The following PAK5 variants were observed in gnomAD, a reference collection of about 807,000 sequenced individuals.
PAK5 encodes the protein p21 (RAC1) activated kinase 5.
In PAK5, 16 loss-of-function variants were observed where a neutral mutation model predicts 65.9. The ratio of observed to expected loss-of-function variants is 0.24; its 90% CI spans 0.16 to 0.37. PAK5 has a LOEUF of 0.37. Ranked by LOEUF, PAK5 falls within the 10% of genes least tolerant of loss-of-function variation. The probability of loss-of-function intolerance (pLI) is 1.00; values close to 1 mark genes in which losing one functional copy is unlikely to be tolerated. For missense variants in PAK5, 785 were observed against 903.9 expected (o/e 0.87, Z 1.69); for synonymous variants, 371 against 354.9 (o/e 1.05, Z -0.51).
At chr20:9,625,666 A>C (rs2046834603) in intron 3 of PAK5, among the ~76,000 whole-genome samples, 1 of 151,706 alleles carries the variant, frequency 6.6e-6, no homozygotes, top group Non-Finnish European at 1.5e-5. Flanking sequence ...GCAGCCTTGA[A>C]CTCCTGAGCT....
At chr20:9,658,984 A>G (rs2047307514) in intron 2 of PAK5, among the ~76,000 whole-genome samples, 1 of 152,082 alleles carries the variant, frequency 6.6e-6, no homozygotes, top group Non-Finnish European at 1.5e-5. Context: ...AATTGCAAGG[A>G]GCTACATGTC....
At chr20:9,771,881 T>A (rs551907730) in intron 1 of PAK5, among the ~76,000 whole-genome samples, 52 of 151,856 alleles carry the variant, frequency 3.4e-4, no homozygotes, top group Non-Finnish European at 6.9e-4. Flanking sequence ...CCACAAAAAA[T>A]ACAAAAATTA....
intron 1 of PAK5, among the ~76,000 whole-genome samples, chr20:9,787,973 C>G (rs1409420634): frequency 1.2e-5 from 1 of 84,508 alleles, no homozygotes; most frequent in East Asian, 3.4e-4. Flanking sequence ...GCCCATGTGT[C>G]TGTGTGTGTT....
chr20:9,545,100 A>G (rs192389765), intron 7 of PAK5, among the ~76,000 whole-genome samples: 3 of 152,306 alleles, frequency 2.0e-5, no homozygotes, highest in Admixed American at 2.0e-4. Flanking sequence ...ACCAACATGA[A>G]CATCAATGCA....
At chr20:9,700,869 G>T (rs564318125) in intron 2 of PAK5, among the ~76,000 whole-genome samples, 1 of 152,232 alleles carries the variant, frequency 6.6e-6, no homozygotes, top group Admixed American at 6.5e-5. Context: ...AGAAAATCAG[G>T]TCACTTGTTG....
At chr20:9,809,171 T>A (rs2049267877) in intron 1 of PAK5, among the ~76,000 whole-genome samples, 1 of 152,064 alleles carries the variant, frequency 6.6e-6, no homozygotes, top group Non-Finnish European at 1.5e-5. Context: ...TTCTGAGCCT[T>A]TAGCATACAC....
At chr20:9,736,847 C>A (rs191783988) in intron 1 of PAK5, among the ~76,000 whole-genome samples, 165 of 152,194 alleles carry the variant, frequency 1.1e-3, no homozygotes, top group African/African-American at 3.4e-3. Context: ...GAAAATGACA[C>A]TATAACACAT....
chr20:9,776,431 G>A (rs2048887715), intron 1 of PAK5, among the ~76,000 whole-genome samples: 1 of 152,120 alleles, frequency 6.6e-6, no homozygotes, highest in Non-Finnish European at 1.5e-5. Context: ...TGGGGAGTAT[G>A]GTGGCTTTAA....
intron 3 of PAK5, among the ~76,000 whole-genome samples, chr20:9,596,456 G>A (rs988336979): frequency 3.9e-5 from 6 of 151,922 alleles, no homozygotes; most frequent in African/African-American, 1.5e-4. Context: ...CTAACACAGT[G>A]AAACCCCGTC....
chr20:9,639,604 T>C (rs2047025347), intron 3 of PAK5, among the ~76,000 whole-genome samples: 1 of 152,258 alleles, frequency 6.6e-6, no homozygotes, highest in African/African-American at 2.4e-5. Flanking sequence ...ATACTTGAGA[T>C]GTATCTTCCA....
chr20:9,755,171 A>G (rs757167732), intron 1 of PAK5, among the ~76,000 whole-genome samples: 1 of 152,232 alleles, frequency 6.6e-6, no homozygotes, highest in Non-Finnish European at 1.5e-5. Flanking sequence ...ATACTCAGGC[A>G]GTTAAATCCT....
intron 3 of PAK5, among the ~76,000 whole-genome samples, chr20:9,595,769 G>C (rs906684355): frequency 2.0e-5 from 3 of 152,040 alleles, no homozygotes; most frequent in Non-Finnish European, 4.4e-5. Context: ...CCCCTAGAAA[G>C]GCCTCCTGAC....
intron 2 of PAK5, among the ~76,000 whole-genome samples, chr20:9,646,418 G>C (rs2047135635): frequency 6.6e-6 from 1 of 152,178 alleles, no homozygotes; most frequent in Non-Finnish European, 1.5e-5. Context: ...AAGAGTATAA[G>C]GACTTCAACT....
chr20:9,747,725 T>C (rs564669743), intron 1 of PAK5, among the ~76,000 whole-genome samples: 108 of 151,850 alleles, frequency 7.1e-4, no homozygotes, highest in African/African-American at 2.5e-3. Context: ...CCACAGCCAA[T>C]ATCATACTGA....
At chr20:9,600,731 C>T (rs2046344814) in intron 3 of PAK5, among the ~76,000 whole-genome samples, 1 of 152,240 alleles carries the variant, frequency 6.6e-6, no homozygotes, top group Non-Finnish European at 1.5e-5. Context: ...TGCTTCTCTG[C>T]TGTCCTCACA....
At chr20:9,682,442 G>A (rs1020256813) in intron 2 of PAK5, among the ~76,000 whole-genome samples, 2 of 152,106 alleles carry the variant, frequency 1.3e-5, no homozygotes, top group African/African-American at 4.8e-5. Flanking sequence ...AAGATGTGAG[G>A]TGAATCTGAC....
At chr20:9,655,387 C>G (rs1600203848) in intron 2 of PAK5, among the ~76,000 whole-genome samples, 2 of 151,656 alleles carry the variant, frequency 1.3e-5, no homozygotes, top group East Asian at 1.9e-4. Context: ...TAAGACCACT[C>G]TAAGTACATT....
chr20:9,660,808 G>A (rs2047335273), intron 2 of PAK5, among the ~76,000 whole-genome samples: 1 of 152,126 alleles, frequency 6.6e-6, no homozygotes, highest in African/African-American at 2.4e-5. Context: ...GGAGGCTTGT[G>A]AACCTGAAGA....
At chr20:9,733,370 C>G (rs1481189684) in intron 1 of PAK5, among the ~76,000 whole-genome samples, 1 of 151,046 alleles carries the variant, frequency 6.6e-6, no homozygotes, top group African/African-American at 2.4e-5. Flanking sequence ...TTCAACACCT[C>G]ACATAGTTAC....
Sources: allele counts gnomAD v4.1 joint callset (sites outside exome capture counted in the v4.1 genomes callset), GRCh38; gene constraint gnomAD v4.1.1; transcripts MANE v1.5; gene names NCBI Gene and HGNC (gene_info 2026-07-23, HGNC 2026-07-21).